WDR5: variants seen among roughly 807,000 people sequenced by gnomAD.
The protein encoded by WDR5 is WD repeat domain 5, also known as WD repeat-containing protein 5.
For synonymous variants in WDR5, 144 were observed against 161.6 expected (o/e 0.89, Z 0.83); for missense variants, 187 against 416.9 (o/e 0.45, Z 4.80).
intron 1 of WDR5, among the ~76,000 whole-genome samples, chr9:134,139,226 G>A (rs1394569596): frequency 1.3e-5 from 2 of 152,174 alleles, no homozygotes; most frequent in Non-Finnish European, 2.9e-5. Context: ...CTGAGTGCGC[G>A]AGCCCTGTGA....
chr9:134,154,214 G>A (rs976709482), intron 9 of WDR5, among the ~76,000 whole-genome samples: 3 of 152,174 alleles, frequency 2.0e-5, no homozygotes, highest in Admixed American at 6.5e-5. Context: ...TGCCCCAGGA[G>A]GCCTGTATTC....
Position 134,139,793 on chromosome 9 carries a change from C to T in WDR5, c.-58-27C>T, listed in dbSNP as rs1318155927. On this transcript the variant is annotated intron_variant, in intron 1 of 13. Transcript: ENST00000358625. ...TTTTAAAATATAGTTTGTTTCTTGG[C>T]TCCCTGTTCTGCATCTCGCTCAACA... The T allele has an allele frequency of 7.7e-6, 11 of 1,426,324 alleles. No homozygotes were observed. In the South Asian group the frequency reaches 1.1e-4, roughly 14 times the overall value. The allele number at this position is 1,426,324 out of a possible 1,614,324, so 88.4% of individuals were successfully genotyped here.
At chr9:134,135,266 A>C (rs373891390), upstream of WDR5, 2 of 152,148 alleles carry the variant, frequency 1.3e-5, no homozygotes, top group Non-Finnish European at 2.9e-5. Context: ...GCTTCTCCTT[A>C]AGCCCCTGAG....
intron 1 of WDR5, among the ~76,000 whole-genome samples, chr9:134,139,326 C>T (rs1240778852): frequency 6.6e-6 from 1 of 152,178 alleles, no homozygotes; most frequent in African/African-American, 2.4e-5. Context: ...CACTGGGTGC[C>T]CGTGCTTGTG....
At chr9:134,149,427 G>A (rs934641550) in intron 8 of WDR5, among the ~76,000 whole-genome samples, 1 of 152,220 alleles carries the variant, frequency 6.6e-6, no homozygotes, top group African/African-American at 2.4e-5. Flanking sequence ...CACGGTTAAA[G>A]CCATCGTTTA....
intron 1 of WDR5, among the ~76,000 whole-genome samples, chr9:134,138,551 G>A (rs929101273): frequency 7.2e-5 from 11 of 152,160 alleles, no homozygotes; most frequent in African/African-American, 2.7e-4. Context: ...TGTCCCCTGG[G>A]CAGCGCTACA....
At chr9:134,148,491 G>T (rs1365131515) in intron 8 of WDR5, 148 bp downstream of exon 8, 5 of 660,784 alleles carry the variant, frequency 7.6e-6, no homozygotes, top group African/African-American at 7.4e-5. Context: ...CTGCAGACAT[G>T]TTAGCAGATA....
chr9:134,159,509 G>T lies in WDR5; in HGVS notation c.*1516G>T, dbSNP rs1036254628. On this transcript the variant is annotated 3_prime_UTR_variant, in exon 14 of 14. Transcript: ENST00000358625. The surrounding 1 kb of genome is among the most constrained non-coding windows in gnomAD (Gnocchi z 4.3). The stretch of plus-strand genomic sequence containing the variant: ...TGCACCGGCCCAGGGAGGAAGCGGG[G>T]GGTTTGTCAGGTGGGCTCTCCTGGA... 2.6e-5 allele frequency: 4 copies of T among 152,382 alleles called. No homozygotes were observed. The highest frequency in any genetic ancestry group is 9.6e-5 in the African/African-American group (4 of 41,462). 9.4% of individuals were successfully genotyped at this position (152,382 alleles called of 1,614,324 possible). A position where few individuals can be genotyped will look rare whatever the true frequency, so the allele number is the denominator to read the frequency against.
intron 8 of WDR5, among the ~76,000 whole-genome samples, chr9:134,149,711 A>G (rs1832399804): frequency 6.6e-6 from 1 of 152,246 alleles, no homozygotes; most frequent in African/African-American, 2.4e-5. Flanking sequence ...GAGAACATAG[A>G]TGATATAAGA....
At chr9:134,145,444 G>T (rs1832144066) in intron 7 of WDR5, among the ~76,000 whole-genome samples, 1 of 152,188 alleles carries the variant, frequency 6.6e-6, no homozygotes, top group Non-Finnish European at 1.5e-5. Flanking sequence ...TTGGATTGCT[G>T]GTGTGGGCCT....
At position 134,156,520 on chromosome 9, in the gene WDR5, C is replaced by T. The variant is rs758745255; in HGVS notation, c.831C>T (p.Gly277=). 4.5e-5 allele frequency: 73 copies of T among 1,614,116 alleles called. No homozygotes were observed. Among genetic ancestry groups the T allele is most frequent in the African/African-American group, 4.0e-4 (30 of 74,942 alleles). The stretch of plus-strand genomic sequence containing the variant: ...TTGTTACGTAGTGGATTGTGTCTGG[C>T]TCAGAGGATAACCTTGTTTACATCT... ...SVTGGKWIVS[G]SEDNLVYIWN... is the part of the protein sequence containing the mutation. Residue 277 remains glycine (G), a synonymous_variant, in exon 13 of 14, where the codon GGC becomes GGT. Coordinates refer to ENST00000358625, the MANE Select transcript of WDR5 (RefSeq NM_017588.3).
At position 134,155,660 on chromosome 9, in the gene WDR5, ACT is replaced by A. The variant is rs1395483316; in HGVS notation, c.742-30_742-29del. 4.4e-6 allele frequency: 7 copies of A among 1,605,198 alleles called. No individual in the cohort carries two copies. In the South Asian group the frequency reaches 4.4e-5, roughly 10 times the overall value. On this transcript the variant is annotated intron_variant, in intron 11 of 13. Transcript: ENST00000358625. Reference sequence around the variant, plus strand: ...TTACACAAAATCAAGGGGAACCATGACTCTGTGACCAGCCTGTCCCCTCCTGT... The same window carrying A: ...TTACACAAAATCAAGGGGAACCATGACTGTGACCAGCCTGTCCCCTCCTGT...
At chr9:134,149,201 C>T (rs903160973) in intron 8 of WDR5, among the ~76,000 whole-genome samples, 1 of 152,210 alleles carries the variant, frequency 6.6e-6, no homozygotes, top group Non-Finnish European at 1.5e-5. Flanking sequence ...GACCCCCCAT[C>T]GGTCTTGAGA....
In WDR5 at chr9:134,148,167, CA is replaced by C. The variant is rs547018606; in HGVS notation, c.529-114del. Reference sequence around the variant, plus strand: ...GAGACTCTTTCTGAAAACAAACAAACAAAAAAACATAACTCAGTCTTTTTTT... The same window carrying C: ...GAGACTCTTTCTGAAAACAAACAAACAAAAAACATAACTCAGTCTTTTTTT... On this transcript the variant is annotated intron_variant, in intron 7 of 13. Coordinates refer to ENST00000358625, the MANE Select transcript of WDR5 (RefSeq NM_017588.3). The C allele has an allele frequency of 4.3e-5, 35 of 818,078 alleles. No homozygotes were observed. The African/African-American group carries it at 5.7e-4, about 13-fold the overall frequency. The allele number at this position is 818,078 out of a possible 1,614,324, so 50.7% of individuals were successfully genotyped here. A position where few individuals can be genotyped will look rare whatever the true frequency, so the allele number is the denominator to read the frequency against.
chr9:134,154,880 A>G (rs867861642), intron 10 of WDR5, among the ~76,000 whole-genome samples: 4 of 152,108 alleles, frequency 2.6e-5, no homozygotes, highest in Admixed American at 6.5e-5. Context: ...GAGCATCTTG[A>G]TTTTACCTCT....
At chr9:134,136,054 G>GC (rs969092207), upstream of WDR5, 48 of 38,134 alleles carry the variant, frequency 1.3e-3, 1 homozygote, top group East Asian at 0.011. Flanking sequence ...CCCGGACACC[G>GC]CCCCCTCCCC....
chr9:134,151,354 G>A (rs889140953), intron 8 of WDR5, among the ~76,000 whole-genome samples: 29 of 152,158 alleles, frequency 1.9e-4, no homozygotes, highest in Admixed American at 1.3e-4. Context: ...ATGGGGTCTC[G>A]TGCTTGGGGA....
At position 134,155,707 on chromosome 9, in the gene WDR5, C is replaced by T. The variant is rs1422250783; in HGVS notation, c.756C>T (p.Tyr252=). The T allele has an allele frequency of 2.5e-6, 4 of 1,614,034 alleles. No homozygotes were observed. The highest frequency in any genetic ancestry group is 4.5e-5 in the East Asian group (2 of 44,882). ...TCCTGTTTCAGTGCCTGAAGACGTA[C>T]ACTGGCCACAAGAATGAGAAATACT... ...DYSKGKCLKT[Y]TGHKNEKYCI... Residue 252 remains tyrosine (Y), a synonymous_variant, in exon 12 of 14, where the codon TAC becomes TAT. Transcript: ENST00000358625.
chr9:134,142,574 G>A (rs1184792661), intron 6 of WDR5, 62 bp from the exon 7 acceptor site: 3 of 1,592,794 alleles, frequency 1.9e-6, no homozygotes, highest in East Asian at 2.2e-5. Context: ...CAGGTCTTAG[G>A]TTCTGGGGAG....
Sources: gnomAD v4.1 joint callset for allele counts (sites outside exome capture counted in the v4.1 genomes callset) on GRCh38, gnomAD v4.1.1 for gene constraint, Gnocchi (gnomAD v3.1) non-coding constraint, MANE v1.5 for transcripts, NCBI Gene and HGNC (gene_info 2026-07-23, HGNC 2026-07-21) for gene names.